The following PALM2AKAP2 variants were observed in gnomAD, a reference collection of about 807,000 sequenced individuals.
PALM2AKAP2 encodes the protein PALM2 and AKAP2 fusion.
In PALM2AKAP2, 37 loss-of-function variants were observed where a neutral mutation model predicts 71.5. That is an observed-to-expected ratio of 0.52 (90% CI 0.40 to 0.68). The LOEUF (loss-of-function observed/expected upper bound fraction) is 0.68, where lower values mean the gene tolerates loss of function less well. Among genes scored for constraint, PALM2AKAP2 ranks in the 30% least tolerant of loss-of-function variants. PALM2AKAP2 has a pLI of 0.00. For synonymous variants in PALM2AKAP2, 468 were observed against 478.8 expected (o/e 0.98, Z 0.29); for missense variants, 1,224 against 1,191.8 (o/e 1.03, Z -0.40).
intron 1 of PALM2AKAP2, among the ~76,000 whole-genome samples, chr9:109,791,937 G>T (rs1357334093): frequency 6.6e-6 from 1 of 152,128 alleles, no homozygotes; most frequent in Non-Finnish European, 1.5e-5. Flanking sequence ...GGCTGGATTT[G>T]TTCCCTGTCT....
rs553158637 is a variant in PALM2AKAP2 at position 109,794,517 on chromosome 9, T to C, written c.45+13984T>C. Among the ~76,000 whole-genome samples, 26 of 151,888 alleles carry C rather than the reference T, an allele frequency of 1.7e-4. 1 individual carries two copies. The East Asian group carries it at 5.0e-3, about 29-fold the overall frequency. ...AGGTCAGAGAGCACACCAGCCACAT[T>C]CCCTGAGTCCAAGCAGGGAGCCAGA... On this transcript the variant is annotated intron_variant, in intron 1 of 9. Transcript: ENST00000302798.
chr9:109,877,547 C>T (rs1024583266), intron 2 of PALM2AKAP2, among the ~76,000 whole-genome samples: 1 of 152,122 alleles, frequency 6.6e-6, no homozygotes, highest in Non-Finnish European at 1.5e-5. Context: ...TTTACTTGTT[C>T]TTTCTTAGGT....
intron 2 of PALM2AKAP2, among the ~76,000 whole-genome samples, chr9:109,869,486 G>C (rs919011817): frequency 1.4e-5 from 2 of 142,258 alleles, no homozygotes; most frequent in Non-Finnish European, 3.1e-5. Flanking sequence ...CCGCCACCAC[G>C]CCCAGCTAAT....
intron 1 of PALM2AKAP2, among the ~76,000 whole-genome samples, chr9:110,071,737 G>A (rs1444848302): frequency 6.6e-6 from 1 of 152,102 alleles, no homozygotes; most frequent in East Asian, 1.9e-4. Flanking sequence ...GTAAATTTCG[G>A]CTAAAATTAT....
intron 3 of PALM2AKAP2, among the ~76,000 whole-genome samples, chr9:110,161,123 C>G (rs752086807): frequency 6.6e-6 from 1 of 152,176 alleles, no homozygotes. Context: ...CACTCGTACC[C>G]TAGTGAAGAT....
At chr9:109,809,346 A>G (rs1827668463) in intron 1 of PALM2AKAP2, among the ~76,000 whole-genome samples, 1 of 152,190 alleles carries the variant, frequency 6.6e-6, no homozygotes, top group Non-Finnish European at 1.5e-5. Flanking sequence ...CATCAGCGTG[A>G]CCTGGATGTG....
chr9:109,950,140 A>G (rs1363688298), intron 6 of PALM2AKAP2, among the ~76,000 whole-genome samples: 3 of 152,126 alleles, frequency 2.0e-5, no homozygotes, highest in Admixed American at 6.5e-5. Context: ...TAAAAAATAT[A>G]AAAATTAGCC....
chr9:109,873,461 A>G (rs1829652292), intron 2 of PALM2AKAP2, among the ~76,000 whole-genome samples: 4 of 67,926 alleles, frequency 5.9e-5, no homozygotes, highest in African/African-American at 8.6e-5. Flanking sequence ...ATAAAATAAA[A>G]TAAAATAAAA....
chr9:110,037,980 A>G (rs1444781608), intron 7 of PALM2AKAP2, among the ~76,000 whole-genome samples: 4 of 152,182 alleles, frequency 2.6e-5, no homozygotes, highest in Non-Finnish European at 4.4e-5. Context: ...AGCCCAAGTC[A>G]TTGCTCATCC....
At chr9:109,867,771 A>C (rs1280134541) in intron 2 of PALM2AKAP2, among the ~76,000 whole-genome samples, 200 bp downstream of exon 2, 2 of 152,136 alleles carry the variant, frequency 1.3e-5, no homozygotes, top group Non-Finnish European at 2.9e-5. Context: ...AATTTCTGCA[A>C]GCATAAGATT....
chr9:109,948,215 C>T (rs1831556323), intron 6 of PALM2AKAP2, among the ~76,000 whole-genome samples: 1 of 151,296 alleles, frequency 6.6e-6, no homozygotes, highest in African/African-American at 2.4e-5. Context: ...AGTAAAATTC[C>T]CATTTCAACA....
At chr9:109,669,995 A>G (rs1827551074) in intron 1 of PALM2AKAP2, among the ~76,000 whole-genome samples, 1 of 151,988 alleles carries the variant, frequency 6.6e-6, no homozygotes, top group Non-Finnish European at 1.5e-5. Flanking sequence ...CCATTCAAAC[A>G]TCTTTTTCCT....
chr9:110,145,060 C>T (rs1231935120), intron 2 of PALM2AKAP2, among the ~76,000 whole-genome samples: 1 of 152,182 alleles, frequency 6.6e-6, no homozygotes, highest in Non-Finnish European at 1.5e-5. Context: ...CTCAGGTTCC[C>T]TCTACCCTTT....
intron 1 of PALM2AKAP2, among the ~76,000 whole-genome samples, chr9:110,109,421 T>G (rs1220637817): frequency 6.6e-6 from 1 of 150,450 alleles, no homozygotes; most frequent in Non-Finnish European, 1.5e-5. Context: ...TCGGAGGTCA[T>G]GTTTCAGGGT....
chr9:109,824,991 T>C (rs183428441), intron 1 of PALM2AKAP2, among the ~76,000 whole-genome samples: 1 of 152,342 alleles, frequency 6.6e-6, no homozygotes, highest in African/African-American at 2.4e-5. Context: ...AATTCAAATG[T>C]AAAAGTGTTT....
chr9:110,032,210 A>G (rs1282210944), intron 7 of PALM2AKAP2, among the ~76,000 whole-genome samples: 2 of 152,116 alleles, frequency 1.3e-5, no homozygotes, highest in African/African-American at 4.8e-5. Flanking sequence ...AAATGTCTCC[A>G]TGTCTGTGTT....
intron 6 of PALM2AKAP2, among the ~76,000 whole-genome samples, chr9:109,999,440 G>A (rs1832638798): frequency 6.6e-6 from 1 of 152,012 alleles, no homozygotes; most frequent in Non-Finnish European, 1.5e-5. Context: ...GTCTAGTCTA[G>A]TCCACCCATG....
At chr9:110,168,512 A>C in exon 4 of PALM2AKAP2, 1 of 1,613,618 alleles carries the variant, frequency 6.2e-7, no homozygotes, top group Non-Finnish European at 8.5e-7. Context: ...CCTTCAACCC[A>C]GGAAGCGTCT....
chr9:109,925,219 G>C, intron 5 of PALM2AKAP2, 137 bp downstream of exon 5: 1 of 1,335,778 alleles, frequency 7.5e-7, no homozygotes, highest in East Asian at 2.4e-5. Flanking sequence ...GCTGGTTGCA[G>C]GCCACTGAGG....
Sources: gnomAD v4.1 joint callset for allele counts (sites outside exome capture counted in the v4.1 genomes callset) on GRCh38, gnomAD v4.1.1 for gene constraint, MANE v1.5 for transcripts, NCBI Gene and HGNC (gene_info 2026-07-23, HGNC 2026-07-21) for gene names.